The following SLC9C2 variants were observed in gnomAD, a reference collection of about 807,000 sequenced individuals.
SLC9C2 encodes solute carrier family 9 member C2 (putative), also known as sodium/hydrogen exchanger 11.
SLC9C2 carries 75 observed loss-of-function variants against 140.2 expected under a neutral mutation model. That is an observed-to-expected ratio of 0.53 (90% confidence interval 0.44 to 0.65). The LOEUF (loss-of-function observed/expected upper bound fraction) is 0.65, where lower values mean the gene tolerates loss of function less well. SLC9C2 is among the 30% of genes least tolerant of loss of function. SLC9C2 has a pLI of 0.00. For missense variants in SLC9C2, 1,074 were observed against 1,331.8 expected (o/e 0.81, Z 3.01); for synonymous variants, 375 against 420.9 (o/e 0.89, Z 1.34).
chr1:173,524,414 T>C (rs573007038), intron 20 of SLC9C2, among the ~76,000 whole-genome samples: 73 of 152,336 alleles, frequency 4.8e-4, no homozygotes, highest in South Asian at 3.7e-3. Flanking sequence ...GCAACCCTGA[T>C]AGGAAATGGA....
At chr1:173,598,830 G>A (rs1476591487) in intron 3 of SLC9C2, among the ~76,000 whole-genome samples, 2 of 152,186 alleles carry the variant, frequency 1.3e-5, no homozygotes, top group Admixed American at 1.3e-4. Flanking sequence ...GCTAGTAGTA[G>A]TGATGGTATT....
rs1486695354 is a variant in SLC9C2 at position 173,588,859 on chromosome 1, G to A, written c.358-1029C>T. Among the ~76,000 whole-genome samples, 3 of 151,960 alleles carry A rather than the reference G, an allele frequency of 2.0e-5. No homozygotes were observed. The East Asian group carries it at 5.8e-4, about 29-fold the overall frequency. On this transcript the variant is annotated intron_variant, in intron 4 of 27. Transcript: ENST00000367714. ...GAGGCAAGGCAGGAGGATATCTTGAGTTCAGTAGTGTAAGACCAGCCTGGG... is the reference window on the plus strand; with the variant it reads ...GAGGCAAGGCAGGAGGATATCTTGAATTCAGTAGTGTAAGACCAGCCTGGG...
chr1:173,592,336 C>T (rs1666209874), intron 4 of SLC9C2, among the ~76,000 whole-genome samples: 1 of 152,134 alleles, frequency 6.6e-6, no homozygotes, highest in African/African-American at 2.4e-5. Flanking sequence ...ATTGCTTTAG[C>T]TATTTGGGGT....
chr1:173,507,733 A>C (rs1659759081), intron 24 of SLC9C2, among the ~76,000 whole-genome samples: 1 of 152,204 alleles, frequency 6.6e-6, no homozygotes, highest in African/African-American at 2.4e-5. Context: ...CGCCACGTGA[A>C]TATAAAGGCA....
At chr1:173,552,687 G>GA (rs1174829802) in intron 11 of SLC9C2, among the ~76,000 whole-genome samples, 6 of 150,742 alleles carry the variant, frequency 4.0e-5, no homozygotes, top group South Asian at 2.1e-4. Flanking sequence ...CTACTGCTCA[G>GA]AAAAAAAAAG....
chr1:173,511,225 T>G (rs2101906108), intron 23 of SLC9C2, among the ~76,000 whole-genome samples: 1 of 151,838 alleles, frequency 6.6e-6, no homozygotes, highest in Middle Eastern at 3.4e-3. Flanking sequence ...AGGGATGGGG[T>G]TTCCCCATGT....
chr1:173,546,426 C>T (rs996811486), intron 13 of SLC9C2, among the ~76,000 whole-genome samples: 2 of 151,932 alleles, frequency 1.3e-5, no homozygotes, highest in Admixed American at 1.3e-4. Flanking sequence ...ACTAAAAATA[C>T]AAAAATTACC....
At chr1:173,561,086 G>A (rs1488547602) in intron 9 of SLC9C2, among the ~76,000 whole-genome samples, 2 of 152,134 alleles carry the variant, frequency 1.3e-5, no homozygotes, top group South Asian at 2.1e-4. Flanking sequence ...GTGAGCCACC[G>A]TGCCCGGCCC....
chr1:173,554,957 G>T, intron 10 of SLC9C2, 143 bp from the exon 11 acceptor site: 1 of 616,178 alleles, frequency 1.6e-6, no homozygotes, highest in Non-Finnish European at 2.8e-6. Flanking sequence ...AGTCAGTTAA[G>T]GCAAAAAGGC....
intron 20 of SLC9C2, among the ~76,000 whole-genome samples, 200 bp from the exon 21 acceptor site, chr1:173,524,294 A>C (rs919454869): frequency 6.6e-6 from 1 of 152,178 alleles, no homozygotes; most frequent in African/African-American, 2.4e-5. Context: ...TCACTGACTT[A>C]TTAACTCAGA....
chr1:173,558,171 A>G (rs1663841875), intron 9 of SLC9C2, among the ~76,000 whole-genome samples: 1 of 151,420 alleles, frequency 6.6e-6, no homozygotes, highest in South Asian at 2.1e-4. Flanking sequence ...TCTTAGCCTC[A>G]AAAAAAAATA....
rs983028619 is a variant in SLC9C2, at chr1:173,510,450, C to T, written c.2908-751G>A. ...TCATCTAAGTTTTAAGCCCCCCATG[C>T]ATTAGCTATTTATTCTAATGCTCTC... On this transcript the variant is annotated intron_variant, in intron 23 of 27. Transcript: ENST00000367714. Among the ~76,000 whole-genome samples, 105 of 152,264 alleles carry T rather than the reference C, an allele frequency of 6.9e-4. 1 individual carries two copies. The highest frequency in any genetic ancestry group is 2.4e-3 in the African/African-American group (98 of 41,558).
chr1:173,531,123 A>T (rs956021554), intron 17 of SLC9C2, among the ~76,000 whole-genome samples: 6 of 152,154 alleles, frequency 3.9e-5, no homozygotes, highest in African/African-American at 1.4e-4. Context: ...CTAACTTTAC[A>T]TAGTGGTGAA....
At chr1:173,583,226 A>C (rs1365297118) in intron 6 of SLC9C2, among the ~76,000 whole-genome samples, 1 of 152,328 alleles carries the variant, frequency 6.6e-6, no homozygotes, top group African/African-American at 2.4e-5. Flanking sequence ...AATACAATGC[A>C]AATACTCTAT....
chr1:173,589,741 A>C (rs574133926), intron 4 of SLC9C2, among the ~76,000 whole-genome samples: 1 of 152,332 alleles, frequency 6.6e-6, no homozygotes, highest in South Asian at 2.1e-4. Flanking sequence ...GAAACTTATA[A>C]CATTAAATGC....
intron 10 of SLC9C2, among the ~76,000 whole-genome samples, chr1:173,556,414 T>C (rs1386871218): frequency 6.6e-6 from 1 of 152,148 alleles, no homozygotes; most frequent in East Asian, 1.9e-4. Context: ...TAATGGAGTC[T>C]TTGCCCAGAA....
chr1:173,514,266 C>T (rs1660264025), intron 23 of SLC9C2, among the ~76,000 whole-genome samples: 1 of 152,142 alleles, frequency 6.6e-6, no homozygotes. Flanking sequence ...GTTAAAGTCT[C>T]CCACTATTAT....
chr1:173,554,764 T>C lies in SLC9C2; in HGVS notation c.1266A>G (p.Ser422=), dbSNP rs1484296991. 6.2e-7 allele frequency: 1 copy of C among 1,608,730 alleles called. No individual in the cohort carries two copies. The highest frequency in any genetic ancestry group is 8.5e-7 in the Non-Finnish European group (1 of 1,175,272). ...VISLLTMGIN[S]YVMTQSARKL... Reference sequence around the variant, plus strand: ...TCCTGGCTGACTGAGTCATCACGTATGAATTTATTCCCATTGTCAATAATG... The same window carrying C: ...TCCTGGCTGACTGAGTCATCACGTACGAATTTATTCCCATTGTCAATAATG... The change falls in exon 11 of 28, where the codon TCA becomes TCG. Residue 422 remains serine (S), a synonymous_variant. Coordinates refer to ENST00000367714, the MANE Select transcript of SLC9C2 (RefSeq NM_178527.4).
intron 4 of SLC9C2, among the ~76,000 whole-genome samples, chr1:173,588,619 A>C (rs1288983123): frequency 6.6e-6 from 1 of 152,076 alleles, no homozygotes; most frequent in African/African-American, 2.4e-5. Context: ...AATAAACACA[A>C]CTTGATCATG....
Sources: allele counts gnomAD v4.1 joint callset (sites outside exome capture counted in the v4.1 genomes callset), GRCh38; gene constraint gnomAD v4.1.1; transcripts MANE v1.5; gene names NCBI Gene and HGNC (gene_info 2026-07-23, HGNC 2026-07-21).